Variants in MERTK observed in about 807,000 individuals in gnomAD.
MERTK encodes the protein MER proto-oncogene, tyrosine kinase.
In MERTK, 69 loss-of-function variants were observed where a neutral mutation model predicts 99.3. That is an observed-to-expected ratio of 0.70 (90% confidence interval 0.57 to 0.85). The LOEUF is 0.85. Ranked by LOEUF, MERTK falls within the 40% of genes least tolerant of loss-of-function variation. The pLI is 0.00. For synonymous variants in MERTK, 426 were observed against 467.6 expected (o/e 0.91, Z 1.15); for missense variants, 1,125 against 1,249.4 (o/e 0.90, Z 1.50).
chr2:111,995,294 G>A lies in MERTK; in HGVS notation c.1450+890G>A, dbSNP rs148734001. On this transcript the variant is annotated intron_variant, in intron 9 of 18. Coordinates refer to ENST00000295408, the MANE Select transcript of MERTK (RefSeq NM_006343.3). ...GCACGGTGCCACTGTGGTACCCCAA[G>A]TGAACCAAGTGCTGTGCTCACTCCA... Among the ~76,000 whole-genome samples, 280 of 152,320 alleles carry A rather than the reference G, an allele frequency of 1.8e-3. 3 individuals carry two copies. Among genetic ancestry groups the A allele is most frequent in the African/African-American group, 6.5e-3 (269 of 41,578 alleles).
intron 2 of MERTK, among the ~76,000 whole-genome samples, chr2:111,936,657 C>T (rs1249520079): frequency 1.3e-5 from 2 of 152,138 alleles, no homozygotes; most frequent in Non-Finnish European, 2.9e-5. Flanking sequence ...GTTGAGGTCC[C>T]TCGAGAGCAT....
intron 2 of MERTK, among the ~76,000 whole-genome samples, chr2:111,932,167 A>G (rs529826212): frequency 6.6e-6 from 1 of 152,312 alleles, no homozygotes; most frequent in African/African-American, 2.4e-5. Context: ...TTTAGCGATC[A>G]GAATTTTTGC....
chr2:112,021,437 G>T lies in MERTK; in HGVS notation c.2205G>T (p.Met735Ile). 6.2e-7 allele frequency: 1 copy of T among 1,613,482 alleles called. No individual in the cohort carries two copies. Among genetic ancestry groups the T allele is most frequent in the African/African-American group, 1.3e-5 (1 of 75,028 alleles). ...AARNCMLRDD[M>I]TVCVADFGLS... ...CTCTCTGTAGGTTGCGAGATGACAT[G>T]ACTGTCTGTGTTGCGGACTTCGGCC... Residue 735 changes from methionine (M) to isoleucine (I), a missense_variant, in exon 17 of 19, where the codon ATG becomes ATT. Coordinates refer to ENST00000295408, the MANE Select transcript of MERTK (RefSeq NM_006343.3).
At chr2:111,974,202 A>G (rs1676188241) in intron 6 of MERTK, among the ~76,000 whole-genome samples, 1 of 143,774 alleles carries the variant, frequency 7.0e-6, no homozygotes, top group Non-Finnish European at 1.5e-5. Flanking sequence ...CAGCCTGGCC[A>G]ACATGGTGAA....
intron 18 of MERTK, chr2:112,024,865 GGTT>G (rs1441828136): frequency 6.5e-6 from 1 of 153,846 alleles, no homozygotes; most frequent in Non-Finnish European, 1.5e-5. Context: ...AGGAGGTCGA[GGTT>G]GCAGTGAGCT....
At chr2:111,954,033 A>G (rs1685103769) in intron 4 of MERTK, among the ~76,000 whole-genome samples, 1 of 151,976 alleles carries the variant, frequency 6.6e-6, no homozygotes, top group Non-Finnish European at 1.5e-5. Flanking sequence ...CTACCCCACC[A>G]CCATAGTGAG....
At chr2:112,010,937 G>A (rs1677087863) in intron 15 of MERTK, among the ~76,000 whole-genome samples, 1 of 152,202 alleles carries the variant, frequency 6.6e-6, no homozygotes, top group East Asian at 1.9e-4. Flanking sequence ...GGTGTGGCTG[G>A]CCTCTGTCAA....
At chr2:111,989,662 G>A (rs1676570033) in intron 8 of MERTK, among the ~76,000 whole-genome samples, 1 of 152,188 alleles carries the variant, frequency 6.6e-6, no homozygotes, top group African/African-American at 2.4e-5. Flanking sequence ...GACGGGTTGT[G>A]AATTCTTATA....
intron 14 of MERTK, 177 bp downstream of exon 14, chr2:112,008,652 G>C (rs1677036237): frequency 1.4e-6 from 1 of 703,212 alleles, no homozygotes; most frequent in African/African-American, 1.7e-5. Flanking sequence ...GAGGCTAATA[G>C]TAATAATGAG....
chr2:111,904,362 T>C (rs1684098312), intron 1 of MERTK, among the ~76,000 whole-genome samples: 1 of 150,330 alleles, frequency 6.7e-6, no homozygotes, highest in East Asian at 1.9e-4. Context: ...TTTTTGAGTG[T>C]GAACATCCAG....
chr2:111,992,720 C>T (rs1419182768), intron 8 of MERTK, among the ~76,000 whole-genome samples: 17 of 142,892 alleles, frequency 1.2e-4, no homozygotes, highest in Non-Finnish European at 2.4e-4. Flanking sequence ...TACTGCACTC[C>T]AGCCTGGGTG....
intron 18 of MERTK, among the ~76,000 whole-genome samples, chr2:112,025,186 T>G (rs1171853605): frequency 1.3e-5 from 2 of 152,088 alleles, no homozygotes; most frequent in Non-Finnish European, 2.9e-5. Context: ...TCTTCCTTCG[T>G]GGGGCTGCAG....
At chr2:111,943,580 C>A (rs571260576) in intron 2 of MERTK, among the ~76,000 whole-genome samples, 1 of 152,108 alleles carries the variant, frequency 6.6e-6, no homozygotes, top group Admixed American at 6.6e-5. Flanking sequence ...ATGTAAACAC[C>A]GGGCATGTCC....
chr2:111,979,322 T>C (rs1191489762), intron 7 of MERTK, among the ~76,000 whole-genome samples: 2 of 152,242 alleles, frequency 1.3e-5, no homozygotes, highest in Non-Finnish European at 2.9e-5. Context: ...AAAGGCGTTT[T>C]TGTATCATTT....
chr2:111,925,593 G>A (rs939048926), intron 1 of MERTK, among the ~76,000 whole-genome samples: 2 of 151,518 alleles, frequency 1.3e-5, no homozygotes, highest in African/African-American at 4.8e-5. Context: ...GTGAGCCACC[G>A]CGCCTGGCCC....
intron 2 of MERTK, among the ~76,000 whole-genome samples, chr2:111,933,160 G>T (rs1684704356): frequency 6.6e-6 from 1 of 152,160 alleles, no homozygotes; most frequent in Non-Finnish European, 1.5e-5. Context: ...TGCTAAATGT[G>T]CATTGTTTTT....
chr2:111,921,502 C>CAA (rs57283084), intron 1 of MERTK, among the ~76,000 whole-genome samples: 1 of 137,906 alleles, frequency 7.3e-6, no homozygotes, highest in Non-Finnish European at 1.6e-5. Context: ...GACGCGATCT[C>CAA]AAAAAAAAAA....
intron 1 of MERTK, among the ~76,000 whole-genome samples, chr2:111,928,119 T>C (rs1230852436): frequency 6.6e-6 from 1 of 152,174 alleles, no homozygotes; most frequent in Non-Finnish European, 1.5e-5. Flanking sequence ...AGCATTTTCC[T>C]GGAAGCTTCA....
intron 4 of MERTK, 60 bp from the exon 5 acceptor site, chr2:111,965,131 T>C: frequency 7.0e-7 from 1 of 1,428,414 alleles, no homozygotes; most frequent in Non-Finnish European, 9.9e-7. Context: ...AACCATAGAA[T>C]TGTAGTGAAC....
Sources: gnomAD v4.1 joint callset for allele counts (sites outside exome capture counted in the v4.1 genomes callset) on GRCh38, gnomAD v4.1.1 for gene constraint, MANE v1.5 for transcripts, NCBI Gene and HGNC (gene_info 2026-07-23, HGNC 2026-07-21) for gene names.